HPSE2: variants seen among roughly 807,000 people sequenced by gnomAD.
HPSE2 encodes the protein inactive heparanase-2.
Under a neutral mutation model 60.5 loss-of-function variants are expected in HPSE2, and 38 were observed. The observed-to-expected ratio is 0.63, with a 90% confidence interval of 0.48 to 0.82. The LOEUF (loss-of-function observed/expected upper bound fraction) is 0.82, where lower values mean the gene tolerates loss of function less well. Ranked by LOEUF, HPSE2 falls within the 40% of genes least tolerant of loss-of-function variation. The pLI is 0.00. For synonymous variants in HPSE2, 295 were observed against 293.2 expected (o/e 1.01, Z -0.06); for missense variants, 713 against 740.4 (o/e 0.96, Z 0.43).
intron 3 of HPSE2, among the ~76,000 whole-genome samples, chr10:99,124,784 G>A (rs774634549): frequency 1.7e-4 from 26 of 152,204 alleles, no homozygotes; most frequent in African/African-American, 2.4e-4. Flanking sequence ...CCCTGGGTCC[G>A]CAGCCATCAC....
At chr10:98,833,959 C>T (rs1216584005) in intron 3 of HPSE2, among the ~76,000 whole-genome samples, 2 of 151,946 alleles carry the variant, frequency 1.3e-5, no homozygotes, top group Non-Finnish European at 1.5e-5. Context: ...ATCTCAGTTG[C>T]GTTAAGGTAT....
At chr10:98,778,253 T>TGAGAGAGAGAGAGAGAGA (rs1589811556) in intron 3 of HPSE2, among the ~76,000 whole-genome samples, 1 of 23,968 alleles carries the variant, frequency 4.2e-5, no homozygotes, top group Admixed American at 2.8e-4. Context: ...GGATGCTCAG[T>TGAGAGAGAGAGAGAGAGA]GAGAGAGAGA....
rs753606981 is a variant in HPSE2 at position 98,461,744 on chromosome 10, G to C, written c.1614-2005C>G. ...GTTTCTCCCATATACAGAATTAGGT[G>C]CAAACCTTTCTTCTGAAGAATTAGG... On this transcript the variant is annotated intron_variant, in intron 11 of 11. Coordinates refer to ENST00000370552, the MANE Select transcript of HPSE2 (RefSeq NM_021828.5). 9 of 1,552,742 alleles carry C rather than the reference G, an allele frequency of 5.8e-6. No individual in the cohort carries two copies. The African/African-American group carries it at 1.2e-4, about 21-fold the overall frequency.
intron 11 of HPSE2, among the ~76,000 whole-genome samples, chr10:98,461,234 T>C (rs1206499879): frequency 6.6e-6 from 1 of 152,232 alleles, no homozygotes; most frequent in African/African-American, 2.4e-5. Flanking sequence ...AATGGAGAGC[T>C]AGGCAGAGAA....
At chr10:99,198,602 T>C (rs1848477396) in intron 2 of HPSE2, among the ~76,000 whole-genome samples, 1 of 152,172 alleles carries the variant, frequency 6.6e-6, no homozygotes, top group African/African-American at 2.4e-5. Context: ...TAGGTAAGAC[T>C]CATAGTACAA....
intron 2 of HPSE2, among the ~76,000 whole-genome samples, chr10:99,217,697 T>G (rs954632237): frequency 6.6e-6 from 1 of 152,048 alleles, no homozygotes; most frequent in Non-Finnish European, 1.5e-5. Context: ...AAAGCAATCC[T>G]CCCGCCTCAG....
At chr10:99,315,821 A>G in the HPSE2 span, among the ~76,000 whole-genome samples, 1 of 152,188 alleles carries the variant, frequency 6.6e-6, no homozygotes, top group East Asian at 1.9e-4. Context: ...GCATCTTCAC[A>G]GACACGTTCC....
chr10:99,224,759 T>C (rs1310359073), intron 2 of HPSE2, among the ~76,000 whole-genome samples: 3 of 152,128 alleles, frequency 2.0e-5, no homozygotes, highest in African/African-American at 2.4e-5. Context: ...TTGGCAACAG[T>C]AGTACAGTTG....
Position 98,576,175 on chromosome 10 carries a change from T to C in HPSE2, c.1320+38729A>G, listed in dbSNP as rs147050281. On this transcript the variant is annotated intron_variant, in intron 9 of 11. Coordinates refer to ENST00000370552, the MANE Select transcript of HPSE2 (RefSeq NM_021828.5). ...AACTTATGATATCACGGGTAAAACC[T>C]AGAGTAGGTTAAAATAATGAAAGGT... 1.3e-4 allele frequency among the ~76,000 whole-genome samples: 19 copies of C among 151,984 alleles called. No individual in the cohort carries two copies. The East Asian group carries it at 2.7e-3, about 22-fold the overall frequency.
intron 3 of HPSE2, among the ~76,000 whole-genome samples, chr10:99,086,003 G>A (rs1253297245): frequency 6.6e-6 from 1 of 152,094 alleles, no homozygotes; most frequent in Non-Finnish European, 1.5e-5. Context: ...CATTTCCAAA[G>A]TACACCACAG....
At chr10:99,011,420 C>G (rs972619293) in intron 3 of HPSE2, among the ~76,000 whole-genome samples, 1 of 151,426 alleles carries the variant, frequency 6.6e-6, no homozygotes, top group Non-Finnish European at 1.5e-5. Flanking sequence ...CTTAAATATG[C>G]TAAAACGTAT....
chr10:99,245,173 G>A, the HPSE2 span, among the ~76,000 whole-genome samples: 1 of 151,984 alleles, frequency 6.6e-6, no homozygotes, highest in Non-Finnish European at 1.5e-5. Flanking sequence ...CTTTCAAGTA[G>A]AAATGAAAAT....
Position 99,074,087 on chromosome 10 carries a change from T to C in HPSE2, c.610+70151A>G, listed in dbSNP as rs551266977. Among the ~76,000 whole-genome samples the C allele has an allele frequency of 3.9e-5, 6 of 152,262 alleles. No individual in the cohort carries two copies. The South Asian group carries it at 8.3e-4, about 21-fold the overall frequency. ...TATTTGCTCTGGCTAGGACTTCCAG[T>C]ATAATTTTGAACAGAAGCGATGTGA... On this transcript the variant is annotated intron_variant, in intron 3 of 11. Coordinates refer to ENST00000370552, the MANE Select transcript of HPSE2 (RefSeq NM_021828.5).
intron 3 of HPSE2, among the ~76,000 whole-genome samples, chr10:98,922,163 A>T (rs900666249): frequency 6.6e-6 from 1 of 152,220 alleles, no homozygotes; most frequent in Non-Finnish European, 1.5e-5. Flanking sequence ...TATTAATGTG[A>T]TTTTTAATAT....
intron 2 of HPSE2, among the ~76,000 whole-genome samples, chr10:99,184,974 A>AG (rs1439309320): frequency 6.6e-6 from 1 of 151,304 alleles, no homozygotes; most frequent in Non-Finnish European, 1.5e-5. Context: ...GGGAGAAGAC[A>AG]GGAAAAAAGT....
At position 98,459,658 on chromosome 10, in the gene HPSE2, G is replaced by T; in HGVS notation, c.1695C>A (p.Ala565=). ...LPELKPRPLR[A]GRTLVIPPVT... is the part of the protein sequence containing the mutation. ...CTGGAGGGATGACCAATGTCCGGCC[G>T]GCCCGAAGGGGGCGGGGCTTCAATT... Residue 565 remains alanine, a synonymous_variant, in exon 12 of 12, where the codon GCC becomes GCA. Transcript: ENST00000370552. The T allele has an allele frequency of 1.9e-6, 3 of 1,614,116 alleles. No homozygotes were observed. Among genetic ancestry groups the T allele is most frequent in the Non-Finnish European group, 2.5e-6 (3 of 1,180,018 alleles).
chr10:99,050,301 CA>C (rs552611645), intron 3 of HPSE2, among the ~76,000 whole-genome samples: 98 of 126,366 alleles, frequency 7.8e-4, no homozygotes, highest in Middle Eastern at 4.3e-3. Context: ...GACTCTGTCT[CA>C]AAAAAAAAAA....
chr10:98,723,593 C>G (rs2134257194), intron 4 of HPSE2, among the ~76,000 whole-genome samples: 1 of 152,280 alleles, frequency 6.6e-6, no homozygotes, highest in East Asian at 1.9e-4. Context: ...CCATCTGGTC[C>G]TGGACATTTT....
intron 3 of HPSE2, among the ~76,000 whole-genome samples, chr10:99,073,578 C>T (rs995055943): frequency 2.6e-5 from 4 of 152,176 alleles, no homozygotes; most frequent in East Asian, 1.9e-4. Context: ...CCATCGCACA[C>T]GTTTACCTAT....
Sources: gnomAD v4.1 joint callset for allele counts (sites outside exome capture counted in the v4.1 genomes callset) on GRCh38, gnomAD v4.1.1 for gene constraint, MANE v1.5 for transcripts, NCBI Gene and HGNC (gene_info 2026-07-23, HGNC 2026-07-21) for gene names.